Variants in LASP1 observed in about 807,000 individuals in gnomAD.
LASP1 encodes the protein LIM and SH3 protein 1, also known as LIM and SH3 domain protein 1.
Under a neutral mutation model 38.6 loss-of-function variants are expected in LASP1, and 10 were observed. The ratio of observed to expected loss-of-function variants is 0.26; its 90% CI spans 0.16 to 0.44. LASP1 has a LOEUF of 0.44. LASP1 is among the 20% of genes least tolerant of loss of function. LASP1 has a pLI of 1.00. For missense variants in LASP1, 243 were observed against 375.7 expected, an observed-to-expected ratio of 0.65 and a Z score of 2.92; for synonymous variants, 132 against 140.8, an observed-to-expected ratio of 0.94 and a Z score of 0.44.
chr17:38,888,677 T>C (rs1345775097), intron 2 of LASP1, among the ~76,000 whole-genome samples: 2 of 152,220 alleles, frequency 1.3e-5, no homozygotes, highest in African/African-American at 2.4e-5. Flanking sequence ...ATCCCTCCCT[T>C]CATAGAGAAG....
intron 3 of LASP1, among the ~76,000 whole-genome samples, chr17:38,895,133 G>T (rs984079384): frequency 5.9e-5 from 9 of 151,606 alleles, no homozygotes; most frequent in African/African-American, 1.7e-4. Flanking sequence ...AGTGGAAATT[G>T]TATTTCGCTC....
At chr17:38,880,812 T>G (rs1913926117) in intron 2 of LASP1, among the ~76,000 whole-genome samples, 6 of 152,142 alleles carry the variant, frequency 3.9e-5, no homozygotes. Context: ...GGTTAAAAAT[T>G]CCTGCCCAGG....
chr17:38,873,160 G>A (rs914509602), intron 1 of LASP1, among the ~76,000 whole-genome samples: 1 of 152,120 alleles, frequency 6.6e-6, no homozygotes, highest in African/African-American at 2.4e-5. Context: ...TAGAGGATTG[G>A]TCTGCTGCCA....
chr17:38,874,668 A>G (rs2143724293), intron 1 of LASP1, among the ~76,000 whole-genome samples: 1 of 152,256 alleles, frequency 6.6e-6, no homozygotes, highest in East Asian at 1.9e-4. Flanking sequence ...TGTGCTTCAT[A>G]GTAACTGGTT....
At chr17:38,893,291 T>C (rs973933939) in intron 3 of LASP1, among the ~76,000 whole-genome samples, 1 of 152,196 alleles carries the variant, frequency 6.6e-6, no homozygotes, top group African/African-American at 2.4e-5. Flanking sequence ...TAGGATGGGC[T>C]TGTTGGAATG....
chr17:38,882,852 G>C (rs1913995055), intron 2 of LASP1, among the ~76,000 whole-genome samples: 1 of 152,084 alleles, frequency 6.6e-6, no homozygotes, highest in Non-Finnish European at 1.5e-5. Flanking sequence ...AAGGAAAATT[G>C]GGGGACTTGG....
rs1417559037 is a variant in LASP1 at position 38,921,066 on chromosome 17, T to C, written c.*2288T>C. On this transcript the variant is annotated 3_prime_UTR_variant, in exon 7 of 7. Transcript: ENST00000318008. ...TTCCTGTCCTAAAAATAGGGGCCGT[T>C]TTCTTACACACCCCCAGAGAGAGGA... 4 of 230,028 alleles carry C rather than the reference T, an allele frequency of 1.7e-5. No homozygotes were observed. In the Admixed American group the frequency reaches 2.3e-4, roughly 13 times the overall value. 14.2% of individuals were successfully genotyped at this position (230,028 alleles called of 1,614,324 possible). A position where few individuals can be genotyped will look rare whatever the true frequency, so the allele number is the denominator to read the frequency against.
chr17:38,890,696 CTTCCTACCTAGAGGGGG>C (rs1914289981), intron 3 of LASP1, among the ~76,000 whole-genome samples, 192 bp downstream of exon 3: 1 of 152,198 alleles, frequency 6.6e-6, no homozygotes, highest in Admixed American at 6.5e-5. Flanking sequence ...CGTTCTCCCA[CTTCCTACCTAGAGGGGG>C]TTGGAGAGGT....
intron 6 of LASP1, among the ~76,000 whole-genome samples, chr17:38,917,057 G>A (rs572791129): frequency 2.6e-5 from 4 of 152,240 alleles, no homozygotes; most frequent in African/African-American, 4.8e-5. Flanking sequence ...GGGACTTGTG[G>A]GCCCCAGGAA....
chr17:38,919,390 C>T lies in LASP1; in HGVS notation c.*612C>T, dbSNP rs1015619667. On this transcript the variant is annotated 3_prime_UTR_variant, in exon 7 of 7. Coordinates refer to ENST00000318008, the MANE Select transcript of LASP1 (RefSeq NM_006148.4). ...CTGTGGGGCGAATTCATCCCCTCCC[C>T]GCGCGTTCCTTCGCACACTGTGATT... is the stretch of plus-strand genomic sequence containing the variant. 9.1e-5 allele frequency: 22 copies of T among 240,822 alleles called. No individual in the cohort carries two copies. The highest frequency in any genetic ancestry group is 7.1e-4 in the Admixed American group (14 of 19,680). 14.9% of individuals were successfully genotyped at this position (240,822 alleles called of 1,614,324 possible). A position where few individuals can be genotyped will look rare whatever the true frequency, so the allele number is the denominator to read the frequency against.
intron 2 of LASP1, among the ~76,000 whole-genome samples, chr17:38,887,090 C>G (rs1056660064): frequency 2.7e-4 from 41 of 152,172 alleles, no homozygotes; most frequent in African/African-American, 9.7e-4. Flanking sequence ...GTTTTGCAGA[C>G]CGGGTCTGGA....
At chr17:38,900,269 A>G (rs372344875) in intron 4 of LASP1, among the ~76,000 whole-genome samples, 7 of 149,496 alleles carry the variant, frequency 4.7e-5, no homozygotes, top group Non-Finnish European at 8.9e-5. Context: ...GGTCCTAGCT[A>G]TTCAGGAGGC....
At chr17:38,891,515 G>T (rs1188390767) in intron 3 of LASP1, among the ~76,000 whole-genome samples, 3 of 152,140 alleles carry the variant, frequency 2.0e-5, no homozygotes, top group Non-Finnish European at 2.9e-5. Context: ...TACAGATGAG[G>T]CGACTGAGGC....
At chr17:38,879,027 T>C (rs1352179676) in intron 2 of LASP1, among the ~76,000 whole-genome samples, 4 of 151,160 alleles carry the variant, frequency 2.6e-5, no homozygotes, top group Admixed American at 6.6e-5. Context: ...CATCTTCCAA[T>C]TGACCTTGTG....
intron 4 of LASP1, among the ~76,000 whole-genome samples, chr17:38,901,850 C>G (rs1914648882): frequency 6.6e-6 from 1 of 151,950 alleles, no homozygotes; most frequent in Non-Finnish European, 1.5e-5. Flanking sequence ...ACTGCAACCT[C>G]CGCCTCCCGG....
intron 1 of LASP1, among the ~76,000 whole-genome samples, chr17:38,870,532 G>A (rs1913569514): frequency 6.6e-6 from 1 of 152,226 alleles, no homozygotes; most frequent in Non-Finnish European, 1.5e-5. Flanking sequence ...GAGGAGCAGG[G>A]AAGTCAGGCG....
At position 38,920,192 on chromosome 17, in the gene LASP1, G is replaced by A. The variant is rs1915260896; in HGVS notation, c.*1414G>A. ...CTGCTGGGGCTAAGCGGTGGAGGAA[G>A]GCTCTGTCACTCCAGGCATATGTTT... On this transcript the variant is annotated 3_prime_UTR_variant, in exon 7 of 7. Transcript: ENST00000318008. 1 of 512,436 alleles carries A rather than the reference G, an allele frequency of 2.0e-6. No homozygotes were observed. The highest frequency in any genetic ancestry group is 2.3e-5 in the Admixed American group (1 of 42,966). The allele number at this position is 512,436 out of a possible 1,614,324, so 31.7% of individuals were successfully genotyped here. A position where few individuals can be genotyped will look rare whatever the true frequency, so the allele number is the denominator to read the frequency against.
Position 38,920,488 on chromosome 17 carries a change from G to A in LASP1, c.*1710G>A. The A allele has an allele frequency of 3.7e-6, 1 of 266,966 alleles. No individual in the cohort carries two copies. Among genetic ancestry groups the A allele is most frequent in the Middle Eastern group, 1.1e-3 (1 of 880 alleles). The allele number at this position is 266,966 out of a possible 1,614,324, so 16.5% of individuals were successfully genotyped here. A position where few individuals can be genotyped will look rare whatever the true frequency, so the allele number is the denominator to read the frequency against. ...ATCTCTGGTTTTCTTGCCACCCTCTGGGAGTCCCCATCCCATTTTCATCCT... is the reference window on the plus strand; with the variant it reads ...ATCTCTGGTTTTCTTGCCACCCTCTAGGAGTCCCCATCCCATTTTCATCCT... On this transcript the variant is annotated 3_prime_UTR_variant, in exon 7 of 7. Transcript: ENST00000318008.
At chr17:38,906,944 C>A (rs149134434) in intron 4 of LASP1, among the ~76,000 whole-genome samples, 1,948 of 152,270 alleles carry the variant, frequency 0.013, 47 homozygotes, top group African/African-American at 0.042. Context: ...GGGGGCTGTG[C>A]TGACATGTCT....
Sources: allele counts gnomAD v4.1 joint callset (sites outside exome capture counted in the v4.1 genomes callset), GRCh38; gene constraint gnomAD v4.1.1; transcripts MANE v1.5; gene names NCBI Gene and HGNC (gene_info 2026-07-23, HGNC 2026-07-21).